Variants in GPHN observed in about 807,000 individuals in gnomAD.
The protein encoded by GPHN is gephyrin.
GPHN carries 17 observed loss-of-function variants against 95.5 expected under a neutral mutation model. That is an observed-to-expected ratio of 0.18 (90% CI 0.12 to 0.27). The LOEUF is 0.27. Ranked by LOEUF, GPHN falls within the 10% of genes least tolerant of loss-of-function variation. The pLI is 1.00. For missense variants in GPHN, 660 were observed against 978.1 expected (o/e 0.67, Z 4.34); for synonymous variants, 320 against 322.5 (o/e 0.99, Z 0.08).
At chr14:66,911,626 G>A (rs947183719) in intron 5 of GPHN, among the ~76,000 whole-genome samples, 9 of 151,838 alleles carry the variant, frequency 5.9e-5, no homozygotes, top group African/African-American at 1.5e-4. Flanking sequence ...TTTTATACAC[G>A]TCATACCTTG....
chr14:66,895,725 C>G (rs2064808035), intron 5 of GPHN, among the ~76,000 whole-genome samples: 1 of 151,996 alleles, frequency 6.6e-6, no homozygotes, highest in Admixed American at 6.6e-5. Context: ...GAAATGGGAA[C>G]ATTTTATCAC....
At chr14:66,653,165 A>G (rs904940641) in intron 1 of GPHN, among the ~76,000 whole-genome samples, 3 of 152,146 alleles carry the variant, frequency 2.0e-5, no homozygotes, top group African/African-American at 7.2e-5. Context: ...CCTCAGTGTC[A>G]GTAGTACCTT....
At chr14:67,711,820 GT>G in the GPHN span, among the ~76,000 whole-genome samples, 1 of 152,202 alleles carries the variant, frequency 6.6e-6, no homozygotes, top group Non-Finnish European at 1.5e-5. Context: ...AAGTCTGATG[GT>G]TCTAGAGGGA....
At chr14:67,724,049 A>T in the GPHN span, among the ~76,000 whole-genome samples, 6 of 152,262 alleles carry the variant, frequency 3.9e-5, no homozygotes, top group Non-Finnish European at 7.3e-5. Flanking sequence ...AGTGCTGTTC[A>T]TCAGTTACTC....
intron 8 of GPHN, among the ~76,000 whole-genome samples, chr14:66,939,009 G>C (rs761253124): frequency 1.0e-3 from 153 of 152,248 alleles, no homozygotes; most frequent in Middle Eastern, 3.4e-3. Context: ...GAATTAATTT[G>C]AACTTTTATC....
chr14:67,691,439 G>A, the GPHN span: 58 of 525,294 alleles, frequency 1.1e-4, 1 homozygote, highest in African/African-American at 1.1e-3. Context: ...CTATGGGGCA[G>A]AATTCCATTT....
chr14:67,142,578 T>C (rs1447519292), intron 17 of GPHN, among the ~76,000 whole-genome samples: 3 of 152,214 alleles, frequency 2.0e-5, no homozygotes, highest in African/African-American at 7.2e-5. Flanking sequence ...TATGAGTAGT[T>C]CATACCATCT....
chr14:66,639,960 G>C (rs1175801245), intron 1 of GPHN, among the ~76,000 whole-genome samples: 3 of 152,068 alleles, frequency 2.0e-5, no homozygotes, highest in African/African-American at 7.2e-5. Context: ...TTGGAGATTA[G>C]GTTAGAGAAG....
chr14:67,377,371 C>G, the GPHN span, among the ~76,000 whole-genome samples: 1 of 152,192 alleles, frequency 6.6e-6, no homozygotes, highest in Non-Finnish European at 1.5e-5. Flanking sequence ...TCTCTCTGCT[C>G]CTGGTCAGTT....
In GPHN at chr14:67,146,762, G is replaced by A. The variant is rs148968816; in HGVS notation, c.1836+3313G>A. ...TATTTAAAAGTAATTGGCTGGGCAC[G>A]TTGGCTCATGCCTATAATCCCAGCA... is the stretch of plus-strand genomic sequence containing the variant. On this transcript the variant is annotated intron_variant, in intron 18 of 22. Transcript: ENST00000478722. Among the ~76,000 whole-genome samples the A allele has an allele frequency of 3.2e-4, 49 of 152,342 alleles. No homozygotes were observed. The East Asian group carries it at 8.9e-3, about 28-fold the overall frequency.
At chr14:67,364,674 A>G in the GPHN span, 26 of 1,290,706 alleles carry the variant, frequency 2.0e-5, 1 homozygote, top group South Asian at 3.9e-4. Flanking sequence ...TTTTTTCTTC[A>G]TCTTTTCTTT....
chr14:66,937,057 C>A (rs576619224), intron 8 of GPHN, among the ~76,000 whole-genome samples: 1 of 152,312 alleles, frequency 6.6e-6, no homozygotes, highest in Non-Finnish European at 1.5e-5. Flanking sequence ...TGTCGGAGTG[C>A]AGTGGCACAA....
At chr14:67,605,314 T>C in the GPHN span, among the ~76,000 whole-genome samples, 1 of 152,226 alleles carries the variant, frequency 6.6e-6, no homozygotes, top group African/African-American at 2.4e-5. Context: ...TTTCTGATAT[T>C]CTCATAAATG....
At chr14:66,849,649 TGTAGA>T (rs2062495248) in intron 4 of GPHN, among the ~76,000 whole-genome samples, 1 of 152,084 alleles carries the variant, frequency 6.6e-6, no homozygotes, top group Non-Finnish European at 1.5e-5. Context: ...ATTGGCATAT[TGTAGA>T]GTAATTTAAA....
the GPHN span, among the ~76,000 whole-genome samples, chr14:67,322,561 T>A: frequency 1.3e-5 from 2 of 152,190 alleles, no homozygotes; most frequent in Non-Finnish European, 2.9e-5. Context: ...AAAATGGCTA[T>A]TCTAAAATAG....
At position 66,535,445 on chromosome 14, in the gene GPHN, A is replaced by G. The variant is rs551981282; in HGVS notation, c.64+26854A>G. ...TTCAACATTTTTTTTTGTGGTGGGT[A>G]TACTCTATCCTTTGTGTTTCCATAT... On this transcript the variant is annotated intron_variant, in intron 1 of 22. Coordinates refer to ENST00000478722, the MANE Select transcript of GPHN (RefSeq NM_020806.5). 7.2e-5 allele frequency among the ~76,000 whole-genome samples: 11 copies of G among 151,978 alleles called. 1 individual carries two copies. Among genetic ancestry groups the G allele is most frequent in the African/African-American group, 2.7e-4 (11 of 41,486 alleles).
chr14:67,699,155 A>G, the GPHN span, among the ~76,000 whole-genome samples: 1 of 152,034 alleles, frequency 6.6e-6, no homozygotes, highest in Non-Finnish European at 1.5e-5. Flanking sequence ...TGGGAGGCTG[A>G]GGCAGGAGAA....
intron 2 of GPHN, among the ~76,000 whole-genome samples, chr14:66,690,201 G>T (rs1440391712): frequency 6.6e-6 from 1 of 151,724 alleles, no homozygotes; most frequent in Non-Finnish European, 1.5e-5. Context: ...TATAGTTTGT[G>T]ATGTATCTCA....
At chr14:67,551,414 A>G in the GPHN span, among the ~76,000 whole-genome samples, 2 of 152,210 alleles carry the variant, frequency 1.3e-5, no homozygotes, top group Non-Finnish European at 1.5e-5. Context: ...TACATGGGGC[A>G]GCTTGTGGAA....
Sources: gnomAD v4.1 joint callset for allele counts (sites outside exome capture counted in the v4.1 genomes callset) on GRCh38, gnomAD v4.1.1 for gene constraint, MANE v1.5 for transcripts, NCBI Gene and HGNC (gene_info 2026-07-23, HGNC 2026-07-21) for gene names.